Variants in ANXA4 observed in about 807,000 individuals in gnomAD.
The protein encoded by ANXA4 is annexin A4.
ANXA4 carries 39 observed loss-of-function variants against 49.8 expected under a neutral mutation model. The ratio of observed to expected loss-of-function variants is 0.78; its 90% CI spans 0.61 to 1.02. The LOEUF is 1.02. ANXA4 is among the 50% of genes least tolerant of loss of function. ANXA4 has a pLI of 0.00. For synonymous variants in ANXA4, 134 were observed against 152.5 expected (o/e 0.88, Z 0.89); for missense variants, 360 against 410.1 (o/e 0.88, Z 1.05).
intron 2 of ANXA4, among the ~76,000 whole-genome samples, chr2:69,706,253 C>T (rs1350302969): frequency 1.6e-5 from 2 of 122,910 alleles, no homozygotes; most frequent in Middle Eastern, 4.3e-3. Flanking sequence ...TATACTTTTT[C>T]CTTTGATCTG....
intron 1 of ANXA4, among the ~76,000 whole-genome samples, chr2:69,758,611 G>A (rs1671152752): frequency 6.6e-6 from 1 of 152,164 alleles, no homozygotes; most frequent in Non-Finnish European, 1.5e-5. Context: ...GACAGAGTGA[G>A]ACCCTGTTTC....
At chr2:69,760,762 T>A (rs1019079643) in intron 1 of ANXA4, among the ~76,000 whole-genome samples, 4 of 152,202 alleles carry the variant, frequency 2.6e-5, no homozygotes, top group Admixed American at 2.0e-4. Flanking sequence ...TGACCATTCA[T>A]GTAAAGTGTT....
At chr2:69,664,606 A>T (rs533176022) in intron 2 of ANXA4, among the ~76,000 whole-genome samples, 1 of 152,366 alleles carries the variant, frequency 6.6e-6, no homozygotes, top group East Asian at 1.9e-4. Context: ...TTGACGGTAT[A>T]CAATTGTTAT....
At chr2:69,652,061 A>G (rs1475014044) in intron 1 of ANXA4, among the ~76,000 whole-genome samples, 1 of 151,844 alleles carries the variant, frequency 6.6e-6, no homozygotes, top group African/African-American at 2.4e-5. Flanking sequence ...CACCCAGGCT[A>G]GAGGGCAGTG....
intron 3 of ANXA4, among the ~76,000 whole-genome samples, chr2:69,723,026 T>G (rs61075552): frequency 0.069 from 8,566 of 123,508 alleles, 810 homozygotes; most frequent in African/African-American, 0.22. Context: ...CCAAAAAATA[T>G]ATATATATAT....
chr2:69,655,620 C>T lies in ANXA4; in HGVS notation n.766+2338C>T, dbSNP rs148759230. ...TCTACCATTGTGGAAGACAGTGTGG[C>T]GATTCCAAAAGGATCTAGAACCAGA... On this transcript the variant is annotated intron_variant and non_coding_transcript_variant, in intron 2 of 3. Transcript: ENST00000418066. 2.1e-3 allele frequency among the ~76,000 whole-genome samples: 312 copies of T among 152,170 alleles called. 3 individuals are homozygous for T. The highest frequency in any genetic ancestry group is 7.2e-3 in the African/African-American group (301 of 41,522).
chr2:69,720,830 C>T (rs1573145030), exon 3 of ANXA4: 1 of 152,058 alleles, frequency 6.6e-6, no homozygotes, highest in Non-Finnish European at 1.5e-5. Flanking sequence ...ATAAGAGGTC[C>T]TAGAAGATAT....
chr2:69,777,240 G>A (rs1671993218), intron 1 of ANXA4, among the ~76,000 whole-genome samples: 1 of 152,152 alleles, frequency 6.6e-6, no homozygotes, highest in African/African-American at 2.4e-5. Flanking sequence ...TTTTTATGGA[G>A]TCTTTGTTAC....
chr2:69,774,043 G>A (rs925461275), intron 1 of ANXA4, among the ~76,000 whole-genome samples: 27 of 151,180 alleles, frequency 1.8e-4, no homozygotes, highest in Admixed American at 7.9e-4. Flanking sequence ...GGCTGGTCTC[G>A]AACTCCTGAC....
chr2:69,652,983 A>C (rs1298206256), intron 1 of ANXA4: 1 of 152,210 alleles, frequency 6.6e-6, no homozygotes, highest in Non-Finnish European at 1.5e-5. Context: ...TATTCTTAAG[A>C]TCTTTCTCCC....
chr2:69,813,758 C>CT (rs35151857), intron 8 of ANXA4, among the ~76,000 whole-genome samples: 1,354 of 81,988 alleles, frequency 0.017, 18 homozygotes, highest in Middle Eastern at 0.06. Flanking sequence ...CTCTCTCTCT[C>CT]TTTTTTTTTT....
At chr2:69,783,668 C>CAT (rs1672293157) in intron 2 of ANXA4, among the ~76,000 whole-genome samples, 1 of 152,076 alleles carries the variant, frequency 6.6e-6, no homozygotes, top group African/African-American at 2.4e-5. Flanking sequence ...TTGACAAATA[C>CAT]ATATATATAC....
Position 69,663,516 on chromosome 2 carries a change from TG to T in ANXA4, n.766+10237del, listed in dbSNP as rs530750604. 7.3e-4 allele frequency among the ~76,000 whole-genome samples: 111 copies of T among 152,004 alleles called. 1 individual carries two copies. The highest frequency in any genetic ancestry group is 2.6e-3 in the African/African-American group (108 of 41,470). On this transcript the variant is annotated intron_variant and non_coding_transcript_variant, in intron 2 of 3. Coordinates refer to the ANXA4 transcript ENST00000418066. ...CTTCTCTGAGAAAGATCAGAAATGCTGGGCATGGTGACACAAGACTGTAGTC... is the reference window on the plus strand; with the variant it reads ...CTTCTCTGAGAAAGATCAGAAATGCTGGCATGGTGACACAAGACTGTAGTC...
intron 1 of ANXA4, among the ~76,000 whole-genome samples, chr2:69,765,866 T>C (rs1671473729): frequency 6.6e-6 from 1 of 152,098 alleles, no homozygotes; most frequent in African/African-American, 2.4e-5. Context: ...TTCCTAGCAA[T>C]GAGGCCTTCA....
chr2:69,710,599 C>T (rs142198248), intron 2 of ANXA4, among the ~76,000 whole-genome samples: 209 of 151,998 alleles, frequency 1.4e-3, no homozygotes, highest in African/African-American at 4.6e-3. Context: ...ATAACTCTTA[C>T]AAATCAATTA....
intron 1 of ANXA4, among the ~76,000 whole-genome samples, chr2:69,772,502 CT>C (rs58790987): frequency 0.35 from 53,700 of 151,852 alleles, 10,819 homozygotes; most frequent in East Asian, 0.51. Context: ...TAAGAGAGGC[CT>C]TAGCAATTGC....
At chr2:69,675,125 T>G (rs1677355278) in intron 2 of ANXA4, among the ~76,000 whole-genome samples, 1 of 152,104 alleles carries the variant, frequency 6.6e-6, no homozygotes, top group Non-Finnish European at 1.5e-5. Context: ...GGTTTCACTG[T>G]GTTAGCCAGG....
chr2:69,731,980 C>CTTTTTTTTTTTTTTTTT (rs11425067), intron 3 of ANXA4, among the ~76,000 whole-genome samples: 1 of 120,166 alleles, frequency 8.3e-6, no homozygotes, highest in Admixed American at 9.3e-5. Flanking sequence ...TCTTTTCTTT[C>CTTTTTTTTTTTTTTTTT]TTTTTTTTTT....
chr2:69,764,811 T>G (rs148870365), intron 1 of ANXA4, among the ~76,000 whole-genome samples: 26 of 152,344 alleles, frequency 1.7e-4, no homozygotes, highest in African/African-American at 5.8e-4. Context: ...CTTTTCATCT[T>G]GTAAAACTGA....
Sources: allele counts gnomAD v4.1 joint callset (sites outside exome capture counted in the v4.1 genomes callset), GRCh38; gene constraint gnomAD v4.1.1; transcripts MANE v1.5; gene names NCBI Gene and HGNC (gene_info 2026-07-23, HGNC 2026-07-21).